RTTN: variants seen among roughly 807,000 people sequenced by gnomAD.
RTTN encodes the protein rotatin.
RTTN carries 182 observed loss-of-function variants against 269.2 expected under a neutral mutation model. The observed-to-expected ratio is 0.68, with a 90% CI of 0.60 to 0.76. The LOEUF (loss-of-function observed/expected upper bound fraction) is 0.76. RTTN is among the 30% of genes least tolerant of loss of function. The pLI, the probability that RTTN is intolerant of heterozygous loss-of-function variation, is 0.00. For synonymous variants in RTTN, 1,006 were observed against 963.5 expected (o/e 1.04, Z -0.82); for missense variants, 2,545 against 2,608.6 (o/e 0.98, Z 0.53).
chr18:70,065,783 T>C, intron 35 of RTTN, 46 bp downstream of exon 35: 1 of 1,308,890 alleles, frequency 7.6e-7, no homozygotes, highest in South Asian at 1.4e-5. Flanking sequence ...TGGACCAACT[T>C]GTCATTTTTC....
chr18:70,147,930 A>G (rs2060437163), intron 17 of RTTN, among the ~76,000 whole-genome samples: 1 of 152,134 alleles, frequency 6.6e-6, no homozygotes. Context: ...TGTGTAGAAG[A>G]CAACCCCTGA....
chr18:70,202,956 A>G (rs13381003), intron 3 of RTTN, among the ~76,000 whole-genome samples: 120 of 152,060 alleles, frequency 7.9e-4, no homozygotes, highest in African/African-American at 2.5e-3. Flanking sequence ...CTAACAGGTT[A>G]AGCATCAAAA....
Position 70,028,866 on chromosome 18 carries a change from T to C in RTTN, c.5746-65A>G, listed in dbSNP as rs922990112. On this transcript the variant is annotated intron_variant, in intron 42 of 48. Coordinates refer to ENST00000640769, the MANE Select transcript of RTTN (RefSeq NM_173630.4). ...AGCATACTTCACTTTTTGTGTATAG[T>C]AATTCCCTCCCCTTTGGGTCACGGG... The C allele has an allele frequency of 6.3e-6, 7 of 1,109,240 alleles. No individual in the cohort carries two copies. The African/African-American group carries it at 9.2e-5, about 15-fold the overall frequency. The allele number at this position is 1,109,240 out of a possible 1,614,324, so 68.7% of individuals were successfully genotyped here.
intron 28 of RTTN, among the ~76,000 whole-genome samples, chr18:70,105,947 C>G (rs2059309865): frequency 2.6e-5 from 4 of 152,100 alleles, no homozygotes; most frequent in Admixed American, 2.6e-4. Context: ...GATTCACTAA[C>G]CACTATGTAA....
At chr18:70,156,186 G>C (rs2060670808) in intron 14 of RTTN, among the ~76,000 whole-genome samples, 1 of 152,168 alleles carries the variant, frequency 6.6e-6, no homozygotes, top group Admixed American at 6.5e-5. Context: ...AAAAGCTAAT[G>C]GGAGAAATAT....
At chr18:70,085,157 C>T (rs1490548577) in intron 32 of RTTN, among the ~76,000 whole-genome samples, 2 of 152,046 alleles carry the variant, frequency 1.3e-5, no homozygotes, top group East Asian at 1.9e-4. Flanking sequence ...ATGTAGTCTC[C>T]GGATAACAGG....
At chr18:70,110,996 G>A (rs1270914115) in intron 27 of RTTN, among the ~76,000 whole-genome samples, 1 of 152,226 alleles carries the variant, frequency 6.6e-6, no homozygotes, top group Non-Finnish European at 1.5e-5. Context: ...GGCTGCCATG[G>A]CCAGATTGCC....
chr18:70,163,329 C>A (rs1183277115), intron 14 of RTTN, among the ~76,000 whole-genome samples: 1 of 151,606 alleles, frequency 6.6e-6, no homozygotes, highest in African/African-American at 2.4e-5. Context: ...TTGCTGTGAG[C>A]CAAGATTGTG....
At chr18:70,020,580 C>T (rs1268238756) in intron 45 of RTTN, 35 bp downstream of exon 45, 23 of 1,493,652 alleles carry the variant, frequency 1.5e-5, no homozygotes, top group Non-Finnish European at 2.1e-5. Flanking sequence ...TCACTGAGTA[C>T]CCTTTTAAGA....
chr18:70,128,628 G>T (rs1599687398), intron 23 of RTTN, 82 bp from the exon 24 acceptor site: 1 of 1,102,154 alleles, frequency 9.1e-7, no homozygotes, highest in Non-Finnish European at 1.3e-6. Context: ...ATGAGGGCTA[G>T]TTCAATGCCT....
rs556134757 is a variant in RTTN, at chr18:70,014,101, G to A, written c.6421+3306C>T. On this transcript the variant is annotated intron_variant, in intron 46 of 48. Coordinates refer to ENST00000640769, the MANE Select transcript of RTTN (RefSeq NM_173630.4). Reference sequence around the variant, plus strand: ...TAAAACAGAACTTCCTACAATAATGGAAATATTTATATCTTGCTATTTAAT... The same window carrying A: ...TAAAACAGAACTTCCTACAATAATGAAAATATTTATATCTTGCTATTTAAT... Among the ~76,000 whole-genome samples the A allele has an allele frequency of 3.9e-5, 6 of 152,224 alleles. No homozygotes were observed. The East Asian group carries it at 1.2e-3, about 29-fold the overall frequency.
intron 35 of RTTN, 84 bp from the exon 36 acceptor site, chr18:70,060,126 T>C (rs955062106): frequency 1.7e-6 from 2 of 1,186,074 alleles, no homozygotes; most frequent in Non-Finnish European, 2.3e-6. Context: ...CATAGGAAAG[T>C]TCCTGAAAAT....
At chr18:70,093,658 G>C (rs1568366641) in intron 28 of RTTN, among the ~76,000 whole-genome samples, 1 of 152,208 alleles carries the variant, frequency 6.6e-6, no homozygotes, top group Non-Finnish European at 1.5e-5. Flanking sequence ...AAGCCAACTT[G>C]ATCATGGTGG....
chr18:70,052,747 AT>A (rs1237035967), intron 38 of RTTN, among the ~76,000 whole-genome samples: 2 of 151,010 alleles, frequency 1.3e-5, no homozygotes, highest in Non-Finnish European at 3.0e-5. Flanking sequence ...TTTAAAACTT[AT>A]TTTTTTCAGA....
intron 25 of RTTN, among the ~76,000 whole-genome samples, chr18:70,122,394 T>G (rs1009530607): frequency 3.3e-5 from 5 of 152,172 alleles, no homozygotes; most frequent in African/African-American, 9.6e-5. Flanking sequence ...TTATCTGTAA[T>G]GTTTTATTTT....
chr18:70,034,405 A>T (rs568170025), intron 40 of RTTN, among the ~76,000 whole-genome samples: 54 of 152,384 alleles, frequency 3.5e-4, no homozygotes, highest in African/African-American at 1.3e-3. Flanking sequence ...ACATACGTGC[A>T]AACAAATAAA....
intron 23 of RTTN, among the ~76,000 whole-genome samples, chr18:70,132,124 C>A (rs1221357374): frequency 3.3e-5 from 5 of 152,002 alleles, no homozygotes; most frequent in African/African-American, 4.8e-5. Context: ...ATGATAGAGA[C>A]AACCCACCAG....
At chr18:70,007,158 G>C (rs1368052520) in intron 46 of RTTN, 1 of 152,330 alleles carries the variant, frequency 6.6e-6, no homozygotes, top group East Asian at 1.9e-4. Context: ...CACAAGGGGT[G>C]GGGGAGCTCC....
chr18:70,052,709 A>C (rs1426798593), intron 38 of RTTN, among the ~76,000 whole-genome samples: 1 of 150,320 alleles, frequency 6.7e-6, no homozygotes, highest in Non-Finnish European at 1.5e-5. Context: ...TAAAAACAAC[A>C]GCAATATAAT....
Sources: gnomAD v4.1 joint callset for allele counts (sites outside exome capture counted in the v4.1 genomes callset) on GRCh38, gnomAD v4.1.1 for gene constraint, MANE v1.5 for transcripts, NCBI Gene and HGNC (gene_info 2026-07-23, HGNC 2026-07-21) for gene names.